CTNNA2: variants seen among roughly 807,000 people sequenced by gnomAD.
The protein encoded by CTNNA2 is catenin alpha 2.
Under a neutral mutation model 101.0 loss-of-function variants are expected in CTNNA2, and 42 were observed. The observed-to-expected ratio is 0.42, with a 90% CI of 0.32 to 0.54. The LOEUF (loss-of-function observed/expected upper bound fraction) is 0.54. Ranked by LOEUF, CTNNA2 falls within the 20% of genes least tolerant of loss-of-function variation. The probability of loss-of-function intolerance (pLI) is 0.14; values close to 1 mark genes in which losing one functional copy is unlikely to be tolerated. For missense variants in CTNNA2, 871 were observed against 1,223.1 expected, an observed-to-expected ratio of 0.71 and a Z score of 4.29; for synonymous variants, 450 against 456.4, an observed-to-expected ratio of 0.99 and a Z score of 0.18.
At chr2:79,585,579 G>C (rs1211534706) in intron 1 of CTNNA2, among the ~76,000 whole-genome samples, 2 of 152,056 alleles carry the variant, frequency 1.3e-5, no homozygotes, top group African/African-American at 2.4e-5. Flanking sequence ...AGCTGGCCAG[G>C]AACAACAAAA....
rs61641596 is a variant in CTNNA2, at chr2:79,488,318, CAAAAAAA to C, written c.-134-16717_-134-16711del. ...GGGCAACAAGAGTGAAACTCCATCT[CAAAAAAA>C]AAAAAAAAAAAAAAAAAACACAGTT... is the stretch of plus-strand genomic sequence containing the variant. On this transcript the variant is annotated intron_variant, in intron 4 of 21. Transcript: ENST00000466387. 5.5e-3 allele frequency among the ~76,000 whole-genome samples: 551 copies of C among 99,854 alleles called. 4 individuals carry two copies. Among genetic ancestry groups the C allele is most frequent in the African/African-American group, 0.016 (522 of 31,816 alleles). 65.5% of individuals were successfully genotyped at this position (99,854 alleles called of 152,430 possible).
intron 1 of CTNNA2, among the ~76,000 whole-genome samples, chr2:79,546,934 G>C (rs1199751650): frequency 1.3e-5 from 2 of 152,114 alleles, no homozygotes; most frequent in African/African-American, 4.8e-5. Context: ...CTTAAGGCCT[G>C]CTCAACAGTG....
chr2:80,476,385 G>A (rs1439373871), intron 9 of CTNNA2, among the ~76,000 whole-genome samples: 2 of 152,118 alleles, frequency 1.3e-5, no homozygotes, highest in Admixed American at 1.3e-4. Flanking sequence ...TTCTCCAGGG[G>A]AAAAGGTGGA....
intron 1 of CTNNA2, among the ~76,000 whole-genome samples, chr2:79,552,364 T>G (rs1413876794): frequency 6.6e-6 from 1 of 152,026 alleles, no homozygotes; most frequent in African/African-American, 2.4e-5. Flanking sequence ...GGGAGCCCCC[T>G]TGGCTGCTTC....
chr2:80,128,727 G>A (rs769641458), intron 7 of CTNNA2, among the ~76,000 whole-genome samples: 1 of 152,058 alleles, frequency 6.6e-6, no homozygotes, highest in East Asian at 1.9e-4. Flanking sequence ...CTGAGATTGT[G>A]TCTTTTGATA....
chr2:79,762,249 C>T (rs1451921705), intron 3 of CTNNA2, among the ~76,000 whole-genome samples: 2 of 152,128 alleles, frequency 1.3e-5, no homozygotes, highest in Non-Finnish European at 2.9e-5. Flanking sequence ...GATTAGTCAA[C>T]CCAGGCGTGG....
intron 3 of CTNNA2, among the ~76,000 whole-genome samples, chr2:79,848,945 A>C (rs1287125371): frequency 6.6e-6 from 1 of 152,108 alleles, no homozygotes; most frequent in Non-Finnish European, 1.5e-5. Context: ...AGAGTCCCTG[A>C]CTGGGATGTC....
At chr2:79,276,270 T>C (rs1293119999) in intron 2 of CTNNA2, among the ~76,000 whole-genome samples, 1 of 152,088 alleles carries the variant, frequency 6.6e-6, no homozygotes, top group African/African-American at 2.4e-5. Context: ...ATGTATTTGT[T>C]TTTATATATT....
chr2:79,208,550 G>A (rs1458884296), intron 2 of CTNNA2, among the ~76,000 whole-genome samples: 1 of 152,188 alleles, frequency 6.6e-6, no homozygotes, highest in Non-Finnish European at 1.5e-5. Context: ...TTGAATACTA[G>A]GCTCTGTGGC....
At chr2:79,820,015 G>A (rs190857781) in intron 3 of CTNNA2, among the ~76,000 whole-genome samples, 190 of 152,100 alleles carry the variant, frequency 1.2e-3, no homozygotes, top group African/African-American at 2.0e-3. Flanking sequence ...TTAGTTCATC[G>A]TCTAGTTGGT....
chr2:79,435,808 G>GC (rs1678707089), intron 4 of CTNNA2, among the ~76,000 whole-genome samples: 1 of 152,118 alleles, frequency 6.6e-6, no homozygotes, highest in East Asian at 1.9e-4. Flanking sequence ...TTTTGCCTGG[G>GC]TAGCATAGAT....
chr2:79,586,155 C>T (rs1239647038), intron 1 of CTNNA2, among the ~76,000 whole-genome samples: 1 of 152,062 alleles, frequency 6.6e-6, no homozygotes, highest in East Asian at 1.9e-4. Flanking sequence ...CTGTCTGCAC[C>T]GGGTGCTGAA....
intron 7 of CTNNA2, among the ~76,000 whole-genome samples, chr2:80,218,080 A>G (rs1708373895): frequency 6.6e-6 from 1 of 152,146 alleles, no homozygotes; most frequent in Non-Finnish European, 1.5e-5. Context: ...GAGGTTATTT[A>G]TTTTTCCCAA....
chr2:79,798,588 A>AATACTC (rs1675905548), intron 3 of CTNNA2, among the ~76,000 whole-genome samples: 1 of 148,324 alleles, frequency 6.7e-6, no homozygotes, highest in Admixed American at 6.7e-5. Context: ...TTTTTACAAA[A>AATACTC]ATACTCATTC....
At chr2:79,371,563 G>T (rs1236443787) in intron 3 of CTNNA2, among the ~76,000 whole-genome samples, 1 of 152,136 alleles carries the variant, frequency 6.6e-6, no homozygotes, top group Non-Finnish European at 1.5e-5. Flanking sequence ...CACTGCTAAA[G>T]ACTTATTTCT....
intron 9 of CTNNA2, among the ~76,000 whole-genome samples, chr2:80,518,572 C>T (rs1464298056): frequency 6.6e-6 from 1 of 152,150 alleles, no homozygotes; most frequent in East Asian, 1.9e-4. Context: ...GCCTGTGATA[C>T]TCAGTCTTCA....
In CTNNA2 at chr2:79,389,199, C is replaced by G. The variant is rs1678139645; in HGVS notation, c.-135+15186C>G. Among the ~76,000 whole-genome samples the G allele has an allele frequency of 6.6e-5, 10 of 152,258 alleles. No individual in the cohort carries two copies. The South Asian group carries it at 2.1e-3, about 32-fold the overall frequency. On this transcript the variant is annotated intron_variant, in intron 4 of 21. Coordinates refer to the CTNNA2 transcript ENST00000466387. ...ATCACCATAAGGGTCTACATTATTT[C>G]CCTGAAGTACAAATCTAACTTGCTA...
chr2:80,485,613 A>T (rs1473722139), intron 9 of CTNNA2, among the ~76,000 whole-genome samples: 1 of 152,244 alleles, frequency 6.6e-6, no homozygotes, highest in Non-Finnish European at 1.5e-5. Context: ...GTAGAACAAG[A>T]ATGGAAGCAA....
chr2:79,257,538 T>A (rs979249857), intron 2 of CTNNA2, among the ~76,000 whole-genome samples: 3 of 144,982 alleles, frequency 2.1e-5, no homozygotes, highest in Non-Finnish European at 4.5e-5. Flanking sequence ...GGTACTTAAA[T>A]AAAATATTGA....
Sources: allele counts gnomAD v4.1 joint callset (sites outside exome capture counted in the v4.1 genomes callset), GRCh38; gene constraint gnomAD v4.1.1; transcripts MANE v1.5; gene names NCBI Gene and HGNC (gene_info 2026-07-23, HGNC 2026-07-21).